The following GRM5 variants were observed in gnomAD, a reference collection of about 807,000 sequenced individuals.
GRM5 encodes the protein glutamate metabotropic receptor 5.
A neutral mutation model predicts 83.1 loss-of-function variants in GRM5; 19 were observed. The observed-to-expected ratio is 0.23, with a 90% CI of 0.16 to 0.34. The LOEUF is 0.34. Among genes scored for constraint, GRM5 ranks in the 10% least tolerant of loss-of-function variants. The pLI is 1.00. For synonymous variants in GRM5, 675 were observed against 633.6 expected (o/e 1.07, Z -0.98); for missense variants, 1,160 against 1,588.3 (o/e 0.73, Z 4.58).
intron 8 of GRM5, among the ~76,000 whole-genome samples, chr11:88,533,719 T>G (rs1334321782): frequency 6.6e-6 from 1 of 152,126 alleles, no homozygotes; most frequent in Non-Finnish European, 1.5e-5. Flanking sequence ...TCCAGGAAAT[T>G]TGCATAAGTA....
At chr11:88,652,213 T>C (rs1939649361) in intron 4 of GRM5, among the ~76,000 whole-genome samples, 1 of 152,150 alleles carries the variant, frequency 6.6e-6, no homozygotes, top group Non-Finnish European at 1.5e-5. Flanking sequence ...CAATGTTTCA[T>C]GTTCAATTTG....
chr11:88,515,550 T>C (rs1241606951), intron 9 of GRM5, among the ~76,000 whole-genome samples: 1 of 152,172 alleles, frequency 6.6e-6, no homozygotes, highest in Non-Finnish European at 1.5e-5. Context: ...TTGGTATACA[T>C]GTAAGGAAGC....
chr11:88,558,741 C>G (rs1942684302), intron 8 of GRM5, among the ~76,000 whole-genome samples: 1 of 130,104 alleles, frequency 7.7e-6, no homozygotes, highest in South Asian at 2.4e-4. Context: ...GTGGAGGTTG[C>G]AGTGAGCCCA....
At chr11:89,000,864 A>T (rs1369456861) in intron 2 of GRM5, among the ~76,000 whole-genome samples, 2 of 152,108 alleles carry the variant, frequency 1.3e-5, no homozygotes, top group African/African-American at 2.4e-5. Context: ...ATGTTTAAAA[A>T]GAATGCTCAT....
At chr11:88,642,070 C>A (rs750928373) in intron 4 of GRM5, among the ~76,000 whole-genome samples, 1 of 152,114 alleles carries the variant, frequency 6.6e-6, no homozygotes, top group Admixed American at 6.6e-5. Flanking sequence ...CTTGGGCACC[C>A]AGTTTGTCTC....
At chr11:88,517,094 C>T in intron 9 of GRM5, among the ~76,000 whole-genome samples, 1 of 150,480 alleles carries the variant, frequency 6.6e-6, no homozygotes, top group South Asian at 2.1e-4. Flanking sequence ...TTAATGTTTA[C>T]TTTTTTCTTA....
intron 2 of GRM5, among the ~76,000 whole-genome samples, chr11:88,949,189 T>C (rs895176115): frequency 1.3e-5 from 2 of 152,242 alleles, no homozygotes; most frequent in African/African-American, 4.8e-5. Flanking sequence ...ACCCTGATTT[T>C]AGTCCAGGTG....
intron 2 of GRM5, among the ~76,000 whole-genome samples, chr11:88,898,662 G>A (rs1377778375): frequency 6.6e-6 from 1 of 151,740 alleles, no homozygotes; most frequent in Non-Finnish European, 1.5e-5. Flanking sequence ...TAAACACACA[G>A]ATTTGTGTAT....
intron 3 of GRM5, among the ~76,000 whole-genome samples, chr11:88,729,272 C>A (rs1013861702): frequency 4.6e-5 from 7 of 151,898 alleles, no homozygotes; most frequent in Non-Finnish European, 8.8e-5. Context: ...AACTCCCATT[C>A]ACAGTTGCTA....
intron 3 of GRM5, among the ~76,000 whole-genome samples, chr11:88,688,989 G>A (rs992061793): frequency 3.3e-5 from 5 of 151,856 alleles, no homozygotes; most frequent in South Asian, 2.1e-4. Flanking sequence ...AAACGGACAC[G>A]AAATGAAAGG....
intron 2 of GRM5, among the ~76,000 whole-genome samples, chr11:88,915,249 G>A (rs1398594881): frequency 1.3e-5 from 2 of 152,138 alleles, no homozygotes; most frequent in African/African-American, 4.8e-5. Context: ...CTATGAAGTA[G>A]TACCCCAGAA....
At chr11:88,680,085 T>A (rs7116657) in intron 3 of GRM5, among the ~76,000 whole-genome samples, 131,216 of 152,212 alleles carry the variant, frequency 0.86, 57,183 homozygotes, top group South Asian at 0.95. Context: ...CTAATTTTTT[T>A]AATTTTTGTT....
chr11:88,660,833 C>G (rs570412154), intron 3 of GRM5, among the ~76,000 whole-genome samples: 3 of 152,274 alleles, frequency 2.0e-5, no homozygotes, highest in African/African-American at 7.2e-5. Context: ...GAGTGCCATT[C>G]TTTTAACTTC....
At chr11:88,714,473 A>T (rs1171483522) in intron 3 of GRM5, among the ~76,000 whole-genome samples, 1 of 152,000 alleles carries the variant, frequency 6.6e-6, no homozygotes, top group Non-Finnish European at 1.5e-5. Flanking sequence ...TGTGGTAGAG[A>T]CATTGTTAAA....
At chr11:88,834,789 G>A (rs1465349464) in intron 3 of GRM5, among the ~76,000 whole-genome samples, 5 of 152,172 alleles carry the variant, frequency 3.3e-5, no homozygotes, top group Non-Finnish European at 7.4e-5. Flanking sequence ...AAATAGACCT[G>A]TCATAAACTC....
At chr11:88,907,079 G>T (rs781418736) in intron 2 of GRM5, among the ~76,000 whole-genome samples, 1 of 151,900 alleles carries the variant, frequency 6.6e-6, no homozygotes, top group African/African-American at 2.4e-5. Flanking sequence ...TCAATTTCTC[G>T]GTGTTCTATT....
intron 3 of GRM5, among the ~76,000 whole-genome samples, chr11:88,766,056 C>A (rs559574896): frequency 1.3e-5 from 2 of 151,600 alleles, no homozygotes; most frequent in African/African-American, 4.8e-5. Flanking sequence ...AAGAAGGTAT[C>A]TGAATGGTCC....
chr11:88,673,484 CAT>C (rs1054321882), intron 3 of GRM5, among the ~76,000 whole-genome samples: 1 of 151,844 alleles, frequency 6.6e-6, no homozygotes, highest in Non-Finnish European at 1.5e-5. Context: ...TGCAGTTACA[CAT>C]ATAATCTGAA....
At chr11:88,930,138 G>A (rs546883781) in intron 2 of GRM5, among the ~76,000 whole-genome samples, 6 of 152,176 alleles carry the variant, frequency 3.9e-5, no homozygotes, top group African/African-American at 1.2e-4. Context: ...ATTTGTGCTG[G>A]GTGCAGTGAC....
Sources: allele counts gnomAD v4.1 joint callset (sites outside exome capture counted in the v4.1 genomes callset), GRCh38; gene constraint gnomAD v4.1.1; transcripts MANE v1.5; gene names NCBI Gene and HGNC (gene_info 2026-07-23, HGNC 2026-07-21).